DISC1: variants seen among roughly 807,000 people sequenced by gnomAD.
The protein encoded by DISC1 is DISC1 scaffold protein.
In DISC1, 57 loss-of-function variants were observed where a neutral mutation model predicts 84.5. The ratio of observed to expected loss-of-function variants is 0.67; its 90% CI spans 0.55 to 0.84. The LOEUF is 0.84. DISC1 is among the 40% of genes least tolerant of loss of function. The pLI is 0.00. For missense variants in DISC1, 1,000 were observed against 1,057.8 expected (o/e 0.95, Z 0.76); for synonymous variants, 411 against 415.2 (o/e 0.99, Z 0.12).
chr1:231,753,364 C>T (rs1452421252), intron 4 of DISC1, among the ~76,000 whole-genome samples: 1 of 152,244 alleles, frequency 6.6e-6, no homozygotes, highest in Non-Finnish European at 1.5e-5. Flanking sequence ...TGGAAATTGC[C>T]AAGGCTTATG....
In DISC1 at chr1:231,626,840, G is replaced by C. The variant is rs1010152286; in HGVS notation, c.-28G>C. ...GGAAGGAGCAGGAGGCAGCCCAGGC[G>C]GAGCGGGAGGAGCTGGCAGCGGGGC... On this transcript the variant is annotated 5_prime_UTR_variant, in exon 1 of 13. Transcript: ENST00000439617. 99 of 1,428,124 alleles carry C rather than the reference G, an allele frequency of 6.9e-5. No individual in the cohort carries two copies. The highest frequency in any genetic ancestry group is 2.2e-4 in the Admixed American group (7 of 32,438). The allele number at this position is 1,428,124 out of a possible 1,614,324, so 88.5% of individuals were successfully genotyped here.
At position 231,779,549 on chromosome 1, in the gene DISC1, G is replaced by GTTT. The variant is rs762129889; in HGVS notation, c.1634+8506_1634+8508dup. The stretch of plus-strand genomic sequence containing the variant: ...ATGTATACTTGGTCAACCTATTCTT[G>GTTT]TTTTTTTTTTTTTTTTTTTTTTTTT... On this transcript the variant is annotated intron_variant, in intron 6 of 12. Coordinates refer to ENST00000439617, the MANE Select transcript of DISC1 (RefSeq NM_018662.3). 4.7e-4 allele frequency among the ~76,000 whole-genome samples: 25 copies of GTTT among 53,580 alleles called. 1 individual carries two copies. Among genetic ancestry groups the GTTT allele is most frequent in the African/African-American group, 1.3e-3 (17 of 13,486 alleles). The allele number at this position is 53,580 out of a possible 152,430, so 35.2% of individuals were successfully genotyped here. A position where few individuals can be genotyped will look rare whatever the true frequency, so the allele number is the denominator to read the frequency against.
intron 4 of DISC1, among the ~76,000 whole-genome samples, chr1:231,759,544 A>AAAAAAAAC (rs60413152): frequency 1.3e-5 from 2 of 148,908 alleles, no homozygotes; most frequent in South Asian, 2.1e-4. Flanking sequence ...AAAAAAAAAA[A>AAAAAAAAC]AAAAAAACAA....
intron 10 of DISC1, among the ~76,000 whole-genome samples, chr1:231,976,879 C>T (rs535397870): frequency 6.6e-6 from 1 of 152,238 alleles, no homozygotes. Context: ...CAATAACTAA[C>T]CTTCATCAAG....
chr1:232,006,409 G>T (rs1017134575), intron 10 of DISC1, among the ~76,000 whole-genome samples: 9 of 151,226 alleles, frequency 6.0e-5, no homozygotes, highest in Non-Finnish European at 1.2e-4. Flanking sequence ...TGAGGAACTT[G>T]TTGGGAACTG....
At chr1:231,906,731 C>T (rs57784376) in intron 9 of DISC1, among the ~76,000 whole-genome samples, 2,750 of 151,996 alleles carry the variant, frequency 0.018, 99 homozygotes, top group African/African-American at 0.063. Flanking sequence ...TGCTTTTTGG[C>T]AGACATTGTG....
chr1:231,923,690 G>A (rs1447228357), intron 9 of DISC1, among the ~76,000 whole-genome samples: 1 of 152,204 alleles, frequency 6.6e-6, no homozygotes, highest in Non-Finnish European at 1.5e-5. Context: ...CCAAGAACAC[G>A]TCTCTGCTGA....
intron 10 of DISC1, among the ~76,000 whole-genome samples, chr1:231,978,426 A>AC: frequency 6.6e-6 from 1 of 152,220 alleles, no homozygotes; most frequent in Non-Finnish European, 1.5e-5. Flanking sequence ...ATATAAAAAA[A>AC]TAAACTTTCC....
chr1:231,897,521 C>CT lies in DISC1; in HGVS notation c.1982-61297dup, dbSNP rs562133789. Among the ~76,000 whole-genome samples the CT allele has an allele frequency of 2.3e-4, 35 of 150,062 alleles. No individual in the cohort carries two copies. Among genetic ancestry groups the CT allele is most frequent in the Admixed American group, 5.3e-4 (8 of 15,030 alleles). ...CAGACTAAATCGTCTTTTTCTTTAT[C>CT]TTTTTTTTTTCCTTTAACAACCTCC... is the stretch of plus-strand genomic sequence containing the variant. On this transcript the variant is annotated intron_variant, in intron 9 of 12. Coordinates refer to ENST00000439617, the MANE Select transcript of DISC1 (RefSeq NM_018662.3). This position sits in a 1 kb window ranked among gnomAD's most constrained non-coding sequence, Gnocchi z 4.5.
intron 10 of DISC1, among the ~76,000 whole-genome samples, chr1:231,988,966 C>T (rs1229949601): frequency 6.6e-6 from 1 of 152,204 alleles, no homozygotes; most frequent in African/African-American, 2.4e-5. Flanking sequence ...CAGGTCTTCA[C>T]CTTCATGCCC....
At chr1:232,024,063 G>GTA (rs34010914) in intron 11 of DISC1, among the ~76,000 whole-genome samples, 63,112 of 148,658 alleles carry the variant, frequency 0.42, 14,545 homozygotes, top group Non-Finnish European at 0.51. Flanking sequence ...GTGTATGTGT[G>GTA]TATATATATA....
At chr1:231,762,182 T>C (rs1458034086) in intron 4 of DISC1, among the ~76,000 whole-genome samples, 1 of 115,706 alleles carries the variant, frequency 8.6e-6, no homozygotes, top group Admixed American at 9.3e-5. Flanking sequence ...CCTTCCTTCC[T>C]TCTTTTCTTT....
intron 9 of DISC1, among the ~76,000 whole-genome samples, chr1:231,951,088 C>T (rs139907489): frequency 6.6e-6 from 1 of 152,348 alleles, no homozygotes; most frequent in Non-Finnish European, 1.5e-5. Context: ...AACTGAGTCA[C>T]AGGATGATGT....
At chr1:231,985,269 T>C (rs971759349) in intron 10 of DISC1, among the ~76,000 whole-genome samples, 1 of 146,010 alleles carries the variant, frequency 6.8e-6, no homozygotes, top group African/African-American at 2.6e-5. Flanking sequence ...GAGGTTGTAG[T>C]GAGCTGAGAT....
rs147198893 is a variant in DISC1, at chr1:231,773,591, A to G, written c.1634+2521A>G. ...AGTAGAGACAGGGTTTCACCATGTT[A>G]GCCAGGATGGTCTTAATTTCCTGAC... On this transcript the variant is annotated intron_variant, in intron 6 of 12. Transcript: ENST00000439617. Among the ~76,000 whole-genome samples, 386 of 152,174 alleles carry G rather than the reference A, an allele frequency of 2.5e-3. 3 individuals are homozygous for G. Among genetic ancestry groups the G allele is most frequent in the South Asian group, 0.011 (54 of 4,820 alleles).
At chr1:231,899,272 C>CT (rs770927798) in intron 9 of DISC1, among the ~76,000 whole-genome samples, 64 of 152,160 alleles carry the variant, frequency 4.2e-4, no homozygotes, top group Non-Finnish European at 6.5e-4. Context: ...GAAACACAGG[C>CT]TGCTGGGTCC....
chr1:231,807,312 G>A (rs1323693798), intron 8 of DISC1, among the ~76,000 whole-genome samples: 1 of 152,240 alleles, frequency 6.6e-6, no homozygotes, highest in Non-Finnish European at 1.5e-5. Context: ...AGTAGTCAAG[G>A]CTGGCTCTCT....
chr1:231,798,754 A>G (rs1448469984), intron 7 of DISC1, among the ~76,000 whole-genome samples: 1 of 152,172 alleles, frequency 6.6e-6, no homozygotes, highest in Non-Finnish European at 1.5e-5. Context: ...AGAGGCTACC[A>G]AACTGTCGTC....
At chr1:231,656,442 A>G (rs114810227) in intron 1 of DISC1, among the ~76,000 whole-genome samples, 1,553 of 152,210 alleles carry the variant, frequency 0.01, 29 homozygotes, top group African/African-American at 0.036. Context: ...CTATTTGTCT[A>G]TGTATCTACT....
Sources: gnomAD v4.1 joint callset for allele counts (sites outside exome capture counted in the v4.1 genomes callset) on GRCh38, gnomAD v4.1.1 for gene constraint, Gnocchi (gnomAD v3.1) non-coding constraint, MANE v1.5 for transcripts, NCBI Gene and HGNC (gene_info 2026-07-23, HGNC 2026-07-21) for gene names.